Variants in TTBK2 observed in about 807,000 individuals in gnomAD.
The protein encoded by TTBK2 is tau-tubulin kinase 2.
Under a neutral mutation model 110.8 loss-of-function variants are expected in TTBK2, and 28 were observed. The ratio of observed to expected loss-of-function variants is 0.25; its 90% CI spans 0.19 to 0.35. The LOEUF (loss-of-function observed/expected upper bound fraction) is 0.35, where lower values mean the gene tolerates loss of function less well. Among genes scored for constraint, TTBK2 ranks in the 10% least tolerant of loss-of-function variants. The probability of loss-of-function intolerance (pLI) is 1.00; values close to 1 mark genes in which losing one functional copy is unlikely to be tolerated. For synonymous variants in TTBK2, 532 were observed against 527.3 expected, an observed-to-expected ratio of 1.01 and a Z score of -0.12; for missense variants, 1,369 against 1,500.3, an observed-to-expected ratio of 0.91 and a Z score of 1.45.
intron 13 of TTBK2, among the ~76,000 whole-genome samples, chr15:42,754,846 T>A (rs1455425752): frequency 1.3e-5 from 2 of 150,072 alleles, no homozygotes; most frequent in Non-Finnish European, 3.0e-5. Context: ...CCGTCTCTAC[T>A]AAAAATACAA....
intron 13 of TTBK2, among the ~76,000 whole-genome samples, chr15:42,764,671 G>A (rs1322445689): frequency 1.3e-5 from 2 of 152,264 alleles, no homozygotes; most frequent in Non-Finnish European, 2.9e-5. Context: ...CTCCACCTCT[G>A]GGGGCAGAGC....
At chr15:42,815,953 AAAAAAAT>A (rs1434458738) in intron 7 of TTBK2, among the ~76,000 whole-genome samples, 10 of 39,648 alleles carry the variant, frequency 2.5e-4, no homozygotes, top group South Asian at 1.4e-3. Context: ...TATATTTAAA[AAAAAAAT>A]ATATATATAT....
At chr15:42,917,087 T>G (rs981729168) in intron 1 of TTBK2, among the ~76,000 whole-genome samples, 2 of 152,156 alleles carry the variant, frequency 1.3e-5, no homozygotes, top group African/African-American at 4.8e-5. Context: ...GGAGGCACTA[T>G]TACATCCCAG....
Position 42,763,611 on chromosome 15 carries a change from A to G in TTBK2, c.1999-10364T>C, listed in dbSNP as rs369049733. Among the ~76,000 whole-genome samples the G allele has an allele frequency of 6.0e-4, 92 of 152,234 alleles. 1 individual carries two copies. The South Asian group carries it at 0.013, about 21-fold the overall frequency. ...TTGAGATGATGTAGATGCTAGTTAC[A>G]CTGATCTAGTCACTATACATTGTAT... On this transcript the variant is annotated intron_variant, in intron 13 of 14. Coordinates refer to ENST00000267890, the MANE Select transcript of TTBK2 (RefSeq NM_173500.4).
intron 1 of TTBK2, among the ~76,000 whole-genome samples, chr15:42,917,073 T>C (rs1468756339): frequency 1.3e-5 from 2 of 152,180 alleles, no homozygotes; most frequent in East Asian, 3.8e-4. Flanking sequence ...ACTTCCACTC[T>C]TTAGGAGGCA....
chr15:42,898,043 T>C (rs1430397835), intron 1 of TTBK2, among the ~76,000 whole-genome samples: 1 of 151,946 alleles, frequency 6.6e-6, no homozygotes, highest in Admixed American at 6.6e-5. Context: ...TATAAAAAAT[T>C]AGCCAGGTGT....
intron 3 of TTBK2, among the ~76,000 whole-genome samples, chr15:42,866,819 A>AG (rs1343326501): frequency 6.6e-6 from 1 of 152,238 alleles, no homozygotes; most frequent in African/African-American, 2.4e-5. Context: ...TAAATAACAC[A>AG]GGAGTCAAAG....
In TTBK2 at chr15:42,783,605, G is replaced by C. The variant is rs1220050188; in HGVS notation, c.1011C>G (p.Asp337Glu). 2.5e-6 allele frequency: 4 copies of C among 1,613,964 alleles called. No individual in the cohort carries two copies. The African/African-American group carries it at 5.3e-5, about 22-fold the overall frequency. The change falls in exon 11 of 15, where the codon GAC becomes GAG. Residue 337 changes from aspartate (D) to glutamate (E), a missense_variant. Asp to Glu is a conservative substitution (Grantham distance 45, BLOSUM62 2). This residue lies in a region of TTBK2 where 1,097 missense variants were observed against 1,114.7 expected (regional missense o/e 0.98). Transcript: ENST00000267890. Reference sequence around the variant, plus strand: ...CCTCATCTGTATTTTCTCGAAGCAAGTCTCCAGGGATGGGAGTAGCATTGG... The same window carrying C: ...CCTCATCTGTATTTTCTCGAAGCAACTCTCCAGGGATGGGAGTAGCATTGG... ...GIANATPIPG[D>E]LLRENTDEVF...
Position 42,740,958 on chromosome 15 carries a change from G to T in TTBK2, c.*4837C>A, listed in dbSNP as rs193043688. On this transcript the variant is annotated 3_prime_UTR_variant, in exon 15 of 15. Transcript: ENST00000267890. ...CAGTCAGGGATTTCTCAGAATTGAG[G>T]TGTGCAGCATCCAGATTCCCCTTTA... 2 of 152,348 alleles carry T rather than the reference G, an allele frequency of 1.3e-5. No individual in the cohort carries two copies. The highest frequency in any genetic ancestry group is 2.4e-5 in the African/African-American group (1 of 41,572). 9.4% of individuals were successfully genotyped at this position (152,348 alleles called of 1,614,324 possible).
rs57982301 is a variant in TTBK2, at chr15:42,875,905, CAAAAAAAAAAAA to C, written c.69+2632_69+2643del. Among the ~76,000 whole-genome samples the C allele has an allele frequency of 1.1e-4, 6 of 56,898 alleles. No homozygotes were observed. In the Middle Eastern group the frequency reaches 0.033, roughly 316 times the overall value. The allele number at this position is 56,898 out of a possible 152,430, so 37.3% of individuals were successfully genotyped here. On this transcript the variant is annotated intron_variant, in intron 2 of 14. Coordinates refer to ENST00000267890, the MANE Select transcript of TTBK2 (RefSeq NM_173500.4). The stretch of plus-strand genomic sequence containing the variant: ...TGGGCGACAGAGCAAGACTCCGTCT[CAAAAAAAAAAAA>C]AAAAAAAAAAGAAATGGGACCATCC...
chr15:42,883,108 G>A (rs552260588), intron 1 of TTBK2, among the ~76,000 whole-genome samples: 13 of 152,192 alleles, frequency 8.5e-5, no homozygotes, highest in Admixed American at 4.6e-4. Flanking sequence ...AGGGCTGGGC[G>A]CGGTGGCTCA....
chr15:42,766,446 C>CAAAAAAAAAAATAAAAAAAAAA (rs1889378344), intron 13 of TTBK2, among the ~76,000 whole-genome samples: 1 of 30,860 alleles, frequency 3.2e-5, no homozygotes, highest in Non-Finnish European at 5.2e-5. Flanking sequence ...GAATGGAAAG[C>CAAAAAAAAAAATAAAAAAAAAA]AAAAAAAAAA....
Position 42,752,905 on chromosome 15 carries a change from T to C in TTBK2, c.2341A>G (p.Ser781Gly). 2 of 1,614,212 alleles carry C rather than the reference T, an allele frequency of 1.2e-6. No individual in the cohort carries two copies. The highest frequency in any genetic ancestry group is 1.7e-6 in the Non-Finnish European group (2 of 1,180,040). Residue 781 changes from serine to glycine, a missense_variant, in exon 14 of 15, where the codon AGC becomes GGC. Coordinates refer to ENST00000267890, the MANE Select transcript of TTBK2 (RefSeq NM_173500.4). ...TCATTATCTGACTCTAAAAGGATGC[T>C]TTTCTCTTCAGTTTCCCCAGGGAGA... ...ENLPGETEEK[S>G]ILLESDNEDE...
intron 11 of TTBK2, among the ~76,000 whole-genome samples, chr15:42,777,556 C>T (rs1889988055): frequency 6.6e-6 from 1 of 152,178 alleles, no homozygotes; most frequent in African/African-American, 2.4e-5. Flanking sequence ...GTATCCCATT[C>T]CACTAACCTG....
Position 42,777,079 on chromosome 15 carries a change from C to T in TTBK2, c.1361G>A (p.Arg454His), listed in dbSNP as rs375640686. The T allele has an allele frequency of 4.4e-5, 71 of 1,614,178 alleles. No homozygotes were observed. The African/African-American group carries it at 7.1e-4, about 16-fold the overall frequency. ...RSIHSFELEK[R>H]LTLEPKPDTD... is the part of the protein sequence containing the mutation. ...GTCTGGCTTTGGCTCCAGGGTCAGACGTTTTTCCAGCTCAAAGCTGTGAAT... is the reference window on the plus strand; with the variant it reads ...GTCTGGCTTTGGCTCCAGGGTCAGATGTTTTTCCAGCTCAAAGCTGTGAAT... Residue 454 changes from arginine to histidine, a missense_variant, in exon 12 of 15, where the codon CGT (arginine) becomes CAT (histidine). Around this residue, in one of 4 missense-constraint regions of TTBK2, gnomAD observed 1,097 missense variants for 1,114.7 expected, o/e 0.98. Coordinates refer to ENST00000267890, the MANE Select transcript of TTBK2 (RefSeq NM_173500.4).
At chr15:42,866,662 G>A (rs560295482) in intron 3 of TTBK2, among the ~76,000 whole-genome samples, 2 of 152,158 alleles carry the variant, frequency 1.3e-5, no homozygotes, top group African/African-American at 2.4e-5. Context: ...CACATTCTGA[G>A]TGCTATAAAA....
At chr15:42,828,590 G>A (rs1300648550) in intron 5 of TTBK2, among the ~76,000 whole-genome samples, 1 of 151,764 alleles carries the variant, frequency 6.6e-6, no homozygotes, top group Admixed American at 6.6e-5. Context: ...GGGTGCGGTG[G>A]CGCGCGCCTG....
rs71108184 is a variant in TTBK2, at chr15:42,832,882, G to GT, written c.292-2805dup. Among the ~76,000 whole-genome samples the GT allele has an allele frequency of 9.7e-3, 1,481 of 152,200 alleles. 18 individuals are homozygous for GT. Among genetic ancestry groups the GT allele is most frequent in the Non-Finnish European group, 0.014 (919 of 68,020 alleles). On this transcript the variant is annotated intron_variant, in intron 4 of 14. Coordinates refer to ENST00000267890, the MANE Select transcript of TTBK2 (RefSeq NM_173500.4). ...AGGCATCCACTTGGGGCCTTAGAAA[G>GT]TATCTCCTCAGATAAGGGGGTACTA...
intron 1 of TTBK2, among the ~76,000 whole-genome samples, chr15:42,879,243 G>A (rs117122292): frequency 0.01 from 1,570 of 152,198 alleles, 12 homozygotes; most frequent in Non-Finnish European, 0.018. Flanking sequence ...GAAAAATATG[G>A]CCTAAAGGAG....
Sources: allele counts gnomAD v4.1 joint callset (sites outside exome capture counted in the v4.1 genomes callset), GRCh38; gene constraint gnomAD v4.1.1; regional missense constraint gnomAD v4.1.1; transcripts MANE v1.5; gene names NCBI Gene and HGNC (gene_info 2026-07-23, HGNC 2026-07-21).